The following DNM3 variants were observed in gnomAD, a reference collection of about 807,000 sequenced individuals.
DNM3 encodes the protein dynamin 3.
DNM3 carries 47 observed loss-of-function variants against 101.6 expected under a neutral mutation model. That is an observed-to-expected ratio of 0.46 (90% confidence interval 0.37 to 0.59). The LOEUF is 0.59. Ranked by LOEUF, DNM3 falls within the 20% of genes least tolerant of loss-of-function variation. The pLI is 0.00. For missense variants in DNM3, 849 were observed against 1,085.7 expected (o/e 0.78, Z 3.06); for synonymous variants, 385 against 387.9 (o/e 0.99, Z 0.09).
chr1:172,418,442 AAAC>A, exon 21 of DNM3: 1 of 760,016 alleles, frequency 1.3e-6, no homozygotes, highest in Non-Finnish European at 1.7e-6. Flanking sequence ...TGTATAATAA[AAAC>A]AAAGTTTATT....
intron 14 of DNM3, among the ~76,000 whole-genome samples, chr1:172,197,162 G>C (rs1435016767): frequency 2.6e-5 from 4 of 151,988 alleles, no homozygotes; most frequent in African/African-American, 7.2e-5. Flanking sequence ...TATTGAATAG[G>C]GAGTCTTTTC....
intron 4 of DNM3, among the ~76,000 whole-genome samples, chr1:172,002,162 A>G (rs1014282222): frequency 2.0e-5 from 3 of 152,076 alleles, no homozygotes; most frequent in Non-Finnish European, 4.4e-5. Context: ...CCAATTTAAC[A>G]AATGTAATAG....
chr1:172,360,421 T>C (rs746669066), intron 17 of DNM3, among the ~76,000 whole-genome samples: 1 of 152,090 alleles, frequency 6.6e-6, no homozygotes, highest in Non-Finnish European at 1.5e-5. Flanking sequence ...TTTCACTTTA[T>C]AGATAGTATC....
intron 15 of DNM3, among the ~76,000 whole-genome samples, chr1:172,283,780 A>AAAAAAAAAAAAAAAAAAAAGAAAG (rs1553221113): frequency 5.0e-5 from 6 of 119,118 alleles, no homozygotes; most frequent in South Asian, 5.5e-4. Flanking sequence ...AAAAAAAAAA[A>AAAAAAAAAAAAAAAAAAAAGAAAG]AAAGAAAGAA....
intron 11 of DNM3, among the ~76,000 whole-genome samples, chr1:172,071,093 A>G (rs1426531087): frequency 1.6e-5 from 2 of 122,940 alleles, no homozygotes; most frequent in African/African-American, 7.5e-5. Flanking sequence ...CTGCATATAT[A>G]TATATATATA....
chr1:171,902,333 A>C (rs2038432095), intron 1 of DNM3, among the ~76,000 whole-genome samples: 1 of 152,280 alleles, frequency 6.6e-6, no homozygotes, highest in Non-Finnish European at 1.5e-5. Context: ...GCCAATGAAC[A>C]AAATCAGACT....
intron 2 of DNM3, among the ~76,000 whole-genome samples, chr1:171,981,614 G>T (rs59385214): frequency 0.012 from 1,824 of 152,146 alleles, 32 homozygotes; most frequent in African/African-American, 0.041. Flanking sequence ...GTGCTAAAAT[G>T]TTTTAAAAGG....
intron 1 of DNM3, among the ~76,000 whole-genome samples, chr1:171,868,849 T>C (rs2035008546): frequency 6.6e-6 from 1 of 152,066 alleles, no homozygotes; most frequent in Non-Finnish European, 1.5e-5. Flanking sequence ...AGTGGCGCAA[T>C]CTTGGCTCAC....
Position 172,275,163 on chromosome 1 carries a change from C to A in DNM3, c.1769+21481C>A, listed in dbSNP as rs115462017. On this transcript the variant is annotated intron_variant, in intron 15 of 20. Transcript: ENST00000627582. ...GGTAGTGTGGGCTCATCAGGTAGAA[C>A]CATTCAAAGTGTATATCACTTATAT... Among the ~76,000 whole-genome samples the A allele has an allele frequency of 4.8e-3, 726 of 152,006 alleles. 3 individuals are homozygous for A. Among genetic ancestry groups the A allele is most frequent in the African/African-American group, 0.017 (685 of 41,478 alleles).
rs1395542583 is a variant in DNM3 at position 172,203,054 on chromosome 1, G to A, written c.1660-50519G>A. 2.0e-5 allele frequency among the ~76,000 whole-genome samples: 3 copies of A among 152,230 alleles called. 1 individual carries two copies. The highest frequency in any genetic ancestry group is 7.2e-5 in the African/African-American group (3 of 41,560). On this transcript the variant is annotated intron_variant, in intron 14 of 20. Coordinates refer to ENST00000627582, the MANE Select transcript of DNM3 (RefSeq NM_015569.5). ...ACCATATAACTGGGGCTCTACTGGG[G>A]CTAACGGATCATTAAAAATTACAAA...
In DNM3 at chr1:172,182,605, T is replaced by G. The variant is rs967459658; in HGVS notation, c.1659+51317T>G. ...AAGATGAAATGAATTGCAATGAACC[T>G]GCTCAGAGGTACTCACTAAAGTGGA... On this transcript the variant is annotated intron_variant, in intron 14 of 20. Coordinates refer to ENST00000627582, the MANE Select transcript of DNM3 (RefSeq NM_015569.5). Among the ~76,000 whole-genome samples, 4 of 152,106 alleles carry G rather than the reference T, an allele frequency of 2.6e-5. No homozygotes were observed. The South Asian group carries it at 6.2e-4, about 24-fold the overall frequency.
intron 15 of DNM3, among the ~76,000 whole-genome samples, chr1:172,274,882 A>T (rs2063221848): frequency 6.6e-6 from 1 of 151,982 alleles, no homozygotes; most frequent in Admixed American, 6.6e-5. Flanking sequence ...TAGTCCACTG[A>T]TCAGGGCTTG....
intron 14 of DNM3, among the ~76,000 whole-genome samples, chr1:172,169,150 C>A (rs2058856707): frequency 6.6e-6 from 1 of 151,812 alleles, no homozygotes; most frequent in African/African-American, 2.4e-5. Flanking sequence ...CCTATTTCTG[C>A]AATTTGTTTG....
At chr1:172,169,114 AT>A (rs888603805) in intron 14 of DNM3, among the ~76,000 whole-genome samples, 2 of 151,700 alleles carry the variant, frequency 1.3e-5, no homozygotes, top group Non-Finnish European at 1.5e-5. Context: ...TCACCATGCA[AT>A]TTTTTTTATA....
intron 14 of DNM3, among the ~76,000 whole-genome samples, chr1:172,167,293 C>A (rs1026726592): frequency 2.0e-5 from 3 of 152,058 alleles, no homozygotes; most frequent in Non-Finnish European, 2.9e-5. Context: ...TGTATATGTG[C>A]CACATTTTCT....
At chr1:172,109,186 C>CCA (rs2055278363) in intron 13 of DNM3, among the ~76,000 whole-genome samples, 1 of 152,152 alleles carries the variant, frequency 6.6e-6, no homozygotes, top group Admixed American at 6.5e-5. Flanking sequence ...ACCTAGTCTA[C>CCA]TAAAACTGAT....
At chr1:171,995,098 T>G (rs1260864038) in intron 4 of DNM3, among the ~76,000 whole-genome samples, 3 of 5,820 alleles carry the variant, frequency 5.2e-4, no homozygotes, top group East Asian at 2.9e-3. Flanking sequence ...AAATCCAGGT[T>G]TTTTTTTTTT....
chr1:172,030,929 T>G (rs764620822), intron 4 of DNM3, among the ~76,000 whole-genome samples: 1 of 152,086 alleles, frequency 6.6e-6, no homozygotes, highest in Non-Finnish European at 1.5e-5. Context: ...TGTGGAGAAA[T>G]AGGAATGCTT....
At chr1:172,162,289 A>C (rs375398745) in intron 14 of DNM3, among the ~76,000 whole-genome samples, 3,661 of 152,118 alleles carry the variant, frequency 0.024, 146 homozygotes, top group African/African-American at 0.083. Context: ...CTTTTGCTTG[A>C]TTATCAGCTT....
Sources: gnomAD v4.1 joint callset for allele counts (sites outside exome capture counted in the v4.1 genomes callset) on GRCh38, gnomAD v4.1.1 for gene constraint, MANE v1.5 for transcripts, NCBI Gene and HGNC (gene_info 2026-07-23, HGNC 2026-07-21) for gene names.